ZNF804A: variants seen among roughly 807,000 people sequenced by gnomAD.
ZNF804A encodes the protein zinc finger protein 804A.
In ZNF804A, 2 loss-of-function variants were observed where a neutral mutation model predicts 16.5. The ratio of observed to expected loss-of-function variants is 0.12; its 90% CI spans 0.05 to 0.38. ZNF804A has a LOEUF of 0.38. ZNF804A is among the 10% of genes least tolerant of loss of function. ZNF804A has a pLI of 0.99. For missense variants in ZNF804A, 1,473 were observed against 1,390.7 expected, an observed-to-expected ratio of 1.06 and a Z score of -0.94; for synonymous variants, 534 against 489.6, an observed-to-expected ratio of 1.09 and a Z score of -1.20.
chr2:184,601,576 G>A (rs1257971283), intron 1 of ZNF804A, among the ~76,000 whole-genome samples: 4 of 151,790 alleles, frequency 2.6e-5, no homozygotes, highest in African/African-American at 7.2e-5. Flanking sequence ...ATAAACTTGT[G>A]TTTATCGTGT....
At chr2:184,732,872 C>T (rs1693542044) in intron 1 of ZNF804A, among the ~76,000 whole-genome samples, 1 of 151,934 alleles carries the variant, frequency 6.6e-6, no homozygotes, top group Admixed American at 6.6e-5. Flanking sequence ...CTATATTAAC[C>T]CTGTGTTTTG....
At chr2:184,892,036 T>C (rs1435111104) in intron 2 of ZNF804A, among the ~76,000 whole-genome samples, 1 of 152,288 alleles carries the variant, frequency 6.6e-6, no homozygotes, top group East Asian at 1.9e-4. Context: ...TATTTGACAG[T>C]TTACTACTGA....
chr2:184,916,024 A>G lies in ZNF804A; in HGVS notation c.256-17579A>G, dbSNP rs546046402. On this transcript the variant is annotated intron_variant, in intron 2 of 3. Transcript: ENST00000302277. ...CTAACATTCTAATAGAATCTTTTGCATAGTGTCATTGAAGAGAGCTAAATT... is the reference window on the plus strand; with the variant it reads ...CTAACATTCTAATAGAATCTTTTGCGTAGTGTCATTGAAGAGAGCTAAATT... 6.8e-4 allele frequency among the ~76,000 whole-genome samples: 104 copies of G among 152,328 alleles called. 2 individuals carry two copies. In the South Asian group the frequency reaches 0.021, roughly 31 times the overall value.
chr2:184,737,169 G>A lies in ZNF804A; in HGVS notation c.112-129200G>A, dbSNP rs569911074. Among the ~76,000 whole-genome samples the A allele has an allele frequency of 1.3e-4, 20 of 151,462 alleles. No individual in the cohort carries two copies. The East Asian group carries it at 3.9e-3, about 30-fold the overall frequency. On this transcript the variant is annotated intron_variant, in intron 1 of 3. Transcript: ENST00000302277. ...CCTCCTGGGTTCACGCCATTCTTCT[G>A]CCTCAGCCTCCTGAGTAGCTGGGAC...
chr2:184,631,399 A>G (rs978597349), intron 1 of ZNF804A, among the ~76,000 whole-genome samples: 1 of 152,190 alleles, frequency 6.6e-6, no homozygotes, highest in African/African-American at 2.4e-5. Context: ...TAAAAGTTGT[A>G]AAGTGCAAAA....
intron 1 of ZNF804A, among the ~76,000 whole-genome samples, chr2:184,724,770 G>A (rs1693378724): frequency 1.3e-5 from 2 of 151,736 alleles, no homozygotes. Flanking sequence ...CACGGGAAAT[G>A]TATGCCTATT....
At chr2:184,613,229 C>A (rs796973865) in intron 1 of ZNF804A, among the ~76,000 whole-genome samples, 3 of 152,310 alleles carry the variant, frequency 2.0e-5, no homozygotes, top group African/African-American at 7.2e-5. Flanking sequence ...AACAGACATG[C>A]ACATGTGGAA....
chr2:184,936,269 T>A lies in ZNF804A; in HGVS notation c.873T>A (p.Val291=). The A allele has an allele frequency of 6.2e-7, 1 of 1,613,982 alleles. No individual in the cohort carries two copies. Among genetic ancestry groups the A allele is most frequent in the Non-Finnish European group, 8.5e-7 (1 of 1,179,956 alleles). The change falls in exon 4 of 4, where the codon GTT becomes GTA. Residue 291 remains valine, a synonymous_variant. Transcript: ENST00000302277. Reference sequence around the variant, plus strand: ...CAATGTGCAGAGACAAAGAAACTGTTCAAACTCAAGAGATAAAAGAAGTCT... The same window carrying A: ...CAATGTGCAGAGACAAAGAAACTGTACAAACTCAAGAGATAAAAGAAGTCT... ...PEAMCRDKET[V]QTQEIKEVSS...
intron 1 of ZNF804A, among the ~76,000 whole-genome samples, chr2:184,751,758 A>C (rs2105758654): frequency 6.6e-6 from 1 of 151,688 alleles, no homozygotes; most frequent in Non-Finnish European, 1.5e-5. Context: ...ATCCAGAACC[A>C]ACAAGTAACT....
intron 2 of ZNF804A, among the ~76,000 whole-genome samples, chr2:184,919,361 A>G (rs1685497034): frequency 6.6e-6 from 1 of 152,170 alleles, no homozygotes; most frequent in African/African-American, 2.4e-5. Flanking sequence ...TGGGCTGTCA[A>G]TGATGGCCAT....
intron 1 of ZNF804A, among the ~76,000 whole-genome samples, chr2:184,798,235 A>G (rs1483679556): frequency 6.6e-6 from 1 of 151,950 alleles, no homozygotes. Flanking sequence ...TATTTTTGCA[A>G]TGAATCTCCC....
intron 1 of ZNF804A, among the ~76,000 whole-genome samples, chr2:184,635,293 A>G (rs930471936): frequency 3.3e-5 from 5 of 152,166 alleles, no homozygotes; most frequent in Non-Finnish European, 7.4e-5. Context: ...ATGGAAGTTT[A>G]GCAATAAGTC....
intron 1 of ZNF804A, among the ~76,000 whole-genome samples, chr2:184,836,683 GTA>G (rs71908465): frequency 0.14 from 20,691 of 147,858 alleles, 1,511 homozygotes; most frequent in Middle Eastern, 0.23. Context: ...TTGTGTGTGT[GTA>G]TATATATATA....
Position 184,936,740 on chromosome 2 carries a change from T to C in ZNF804A, c.1344T>C (p.Thr448=), listed in dbSNP as rs768886124. The change falls in exon 4 of 4, where the codon ACT becomes ACC. Residue 448 remains threonine (T), a synonymous_variant. Transcript: ENST00000302277. ...CATCAGAAATGCTGGTTTATACAAC[T>C]ACGAAACCATCAATTTCCTATAGCT... ...QWPSEMLVYT[T]TKPSISYSCN... 5 of 1,613,890 alleles carry C rather than the reference T, an allele frequency of 3.1e-6. No homozygotes were observed. Among genetic ancestry groups the C allele is most frequent in the South Asian group, 1.1e-5 (1 of 91,072 alleles).
intron 1 of ZNF804A, among the ~76,000 whole-genome samples, chr2:184,766,726 T>G (rs141741467): frequency 1.0e-3 from 153 of 152,252 alleles, no homozygotes; most frequent in Middle Eastern, 6.8e-3. Flanking sequence ...AAGAGATATT[T>G]ATACATTCAT....
intron 2 of ZNF804A, among the ~76,000 whole-genome samples, chr2:184,897,289 A>G (rs969524903): frequency 6.6e-6 from 1 of 152,088 alleles, no homozygotes; most frequent in South Asian, 2.1e-4. Context: ...GATTGCCTGG[A>G]CAAAGTAGTG....
chr2:184,621,424 A>G (rs1691418086), intron 1 of ZNF804A, among the ~76,000 whole-genome samples: 1 of 151,712 alleles, frequency 6.6e-6, no homozygotes, highest in Non-Finnish European at 1.5e-5. Flanking sequence ...TAGATGGACA[A>G]TCCGACATAA....
At chr2:184,828,251 A>T (rs1220938512) in intron 1 of ZNF804A, among the ~76,000 whole-genome samples, 1 of 151,892 alleles carries the variant, frequency 6.6e-6, no homozygotes, top group Non-Finnish European at 1.5e-5. Flanking sequence ...GCTAGTAAAC[A>T]ACTGAATGAT....
chr2:184,718,704 C>T (rs77181140), intron 1 of ZNF804A, among the ~76,000 whole-genome samples: 4 of 152,274 alleles, frequency 2.6e-5, no homozygotes, highest in African/African-American at 9.6e-5. Flanking sequence ...ATCCAGGTCA[C>T]GCTGATACAA....
Sources: allele counts gnomAD v4.1 joint callset (sites outside exome capture counted in the v4.1 genomes callset), GRCh38; gene constraint gnomAD v4.1.1; transcripts MANE v1.5; gene names NCBI Gene and HGNC (gene_info 2026-07-23, HGNC 2026-07-21).